TSGA10IP: variants seen among roughly 807,000 people sequenced by gnomAD.
The protein encoded by TSGA10IP is testis specific 10 interacting protein.
Under a neutral mutation model 63.2 loss-of-function variants are expected in TSGA10IP, and 64 were observed. The observed-to-expected ratio is 1.01, with a 90% CI of 0.83 to 1.25. The LOEUF (loss-of-function observed/expected upper bound fraction) is 1.25. Among genes scored for constraint, TSGA10IP ranks in the 50% most tolerant of loss-of-function variants. TSGA10IP has a pLI of 0.00. For missense variants in TSGA10IP, 681 were observed against 710.1 expected (o/e 0.96, Z 0.47); for synonymous variants, 316 against 298.3 (o/e 1.06, Z -0.61).
At chr11:65,947,627 A>T (rs1854863328) in exon 3 of TSGA10IP, 16 of 1,613,426 alleles carry the variant, frequency 9.9e-6, no homozygotes, top group African/African-American at 1.3e-5. Context: ...CTGCAGAAGG[A>T]GGGCTGGTTG....
rs114066879 is a variant in TSGA10IP at position 65,947,233 on chromosome 11, C to A, written c.408C>A (p.Pro136=). 2,144 of 1,609,864 alleles carry A rather than the reference C, an allele frequency of 1.3e-3. 21 individuals are homozygous for A. In the African/African-American group the frequency reaches 0.022, roughly 17 times the overall value. Residue 136 remains proline, a synonymous_variant, in exon 3 of 8, where the codon CCC becomes CCA. Transcript: ENST00000532620. ...CAACCCCTGGCCACCAAGCCCTGCCCATGCCCTCCTCGTTCTCCCAGCGTC... is the reference window on the plus strand; with the variant it reads ...CAACCCCTGGCCACCAAGCCCTGCCAATGCCCTCCTCGTTCTCCCAGCGTC...
intron 4 of TSGA10IP, 37 bp from the exon 5 acceptor site, chr11:65,953,530 C>G (rs371135239): frequency 6.6e-7 from 1 of 1,515,022 alleles, no homozygotes; most frequent in East Asian, 2.5e-5. Flanking sequence ...TCCTGCTGCC[C>G]GTGAACCTCT....
chr11:65,959,869 A>T, exon 8 of TSGA10IP: 2 of 1,605,404 alleles, frequency 1.2e-6, no homozygotes. Context: ...GAGGCCCCCA[A>T]GGACAGAACC....
chr11:65,948,991 G>A (rs1001989403), intron 4 of TSGA10IP, among the ~76,000 whole-genome samples: 2 of 149,770 alleles, frequency 1.3e-5, no homozygotes, highest in African/African-American at 4.9e-5. Flanking sequence ...ACAAACAAAC[G>A]AACAAAAAAC....
chr11:65,959,682 T>C, intron 7 of TSGA10IP, 135 bp from the exon 8 acceptor site: 1 of 1,291,366 alleles, frequency 7.7e-7, no homozygotes, highest in Non-Finnish European at 1.0e-6. Flanking sequence ...AAAGTGAGAC[T>C]CGAGAAGAGT....
At position 65,953,832 on chromosome 11, in the gene TSGA10IP, C is replaced by G. The variant is rs966764727; in HGVS notation, c.1322+95C>G. The stretch of plus-strand genomic sequence containing the variant: ...AGGACCGAGGAGCACCAGCCCTCGC[C>G]TTCCCTGGGGCTAACCAGGCCACTT... On this transcript the variant is annotated intron_variant, in intron 5 of 7. Coordinates refer to ENST00000532620, the Ensembl canonical transcript of TSGA10IP. The G allele has an allele frequency of 3.7e-6, 4 of 1,086,052 alleles. No individual in the cohort carries two copies. The Admixed American group carries it at 1.5e-4, about 40-fold the overall frequency. 67.3% of individuals were successfully genotyped at this position (1,086,052 alleles called of 1,614,324 possible).
chr11:65,953,716 A>G (rs1854982823), exon 5 of TSGA10IP: 2 of 1,551,150 alleles, frequency 1.3e-6, no homozygotes, highest in East Asian at 4.8e-5. Context: ...GGGGCGGCCC[A>G]GCGCAAGCTG....
chr11:65,957,454 G>C (rs1855043952), intron 5 of TSGA10IP, among the ~76,000 whole-genome samples: 1 of 152,222 alleles, frequency 6.6e-6, no homozygotes, highest in Admixed American at 6.5e-5. Flanking sequence ...AGCAGGAAAA[G>C]TGCACACAAT....
chr11:65,948,228 T>C, intron 4 of TSGA10IP, 80 bp downstream of exon 4: 1 of 1,463,062 alleles, frequency 6.8e-7, no homozygotes, highest in Non-Finnish European at 9.1e-7. Flanking sequence ...GCTTAGGCAT[T>C]TGAACTCTCA....
Position 65,947,185 on chromosome 11 carries a change from G to C in TSGA10IP, c.360G>C (p.Arg120=), listed in dbSNP as rs753809731. The C allele has an allele frequency of 3.1e-6, 5 of 1,608,896 alleles. No individual in the cohort carries two copies. The East Asian group carries it at 9.0e-5, about 29-fold the overall frequency. ...GGGAGAGCATCGCCACAGATGTCCG[G>C]GCTGTGCTTCAGCCAAGCTCCCCAA... The change falls in exon 3 of 8, where the codon CGG becomes CGC. Residue 120 remains arginine (R), a synonymous_variant. Coordinates refer to ENST00000532620, the Ensembl canonical transcript of TSGA10IP.
At chr11:65,959,678 A>G in intron 7 of TSGA10IP, 139 bp from the exon 8 acceptor site, 3 of 1,247,066 alleles carry the variant, frequency 2.4e-6, no homozygotes, top group East Asian at 2.6e-5. Context: ...AAGGAAAGTG[A>G]GACTCGAGAA....
At chr11:65,946,418 CGGT>C (rs1565304868) in intron 1 of TSGA10IP, among the ~76,000 whole-genome samples, 1 of 151,450 alleles carries the variant, frequency 6.6e-6, no homozygotes, top group Non-Finnish European at 1.5e-5. Flanking sequence ...AGGTGGTGCT[CGGT>C]CGGGTTTTTT....
chr11:65,959,386 C>T (rs1855079511), intron 7 of TSGA10IP, 72 bp downstream of exon 7: 26 of 1,564,872 alleles, frequency 1.7e-5, no homozygotes, highest in South Asian at 2.4e-5. Flanking sequence ...CACCAGCACT[C>T]TGGGCTCTGG....
rs763480438 is a variant in TSGA10IP, at chr11:65,958,869, T to G, written c.1323-14T>G. 7 of 1,608,176 alleles carry G rather than the reference T, an allele frequency of 4.4e-6. No individual in the cohort carries two copies. Among genetic ancestry groups the G allele is most frequent in the Non-Finnish European group, 5.9e-6 (7 of 1,177,280 alleles). ...GTCCATGGTTAGCTGCACAAAGGCC[T>G]GTCTCCCCTGCAGGCGCCAGGAGCG... On this transcript the variant is annotated splice_polypyrimidine_tract_variant and intron_variant, in intron 5 of 7. Coordinates refer to ENST00000532620, the Ensembl canonical transcript of TSGA10IP.
chr11:65,946,939 C>A (rs991509595), exon 2 of TSGA10IP: 2 of 1,613,842 alleles, frequency 1.2e-6, no homozygotes, highest in Middle Eastern at 1.6e-4. Flanking sequence ...GGTCTCAGAG[C>A]TCAAGGCAGA....
intron 5 of TSGA10IP, among the ~76,000 whole-genome samples, chr11:65,957,395 C>T (rs751121553): frequency 1.3e-5 from 2 of 152,244 alleles, no homozygotes; most frequent in East Asian, 1.9e-4. Flanking sequence ...GAGATCTGCC[C>T]GCCTCGGCCA....
intron 5 of TSGA10IP, among the ~76,000 whole-genome samples, chr11:65,955,230 GT>G (rs796144132): frequency 3.4e-5 from 5 of 148,936 alleles, no homozygotes; most frequent in African/African-American, 7.4e-5. Flanking sequence ...AGGGGCTTTT[GT>G]TTTTTTTTTC....
intron 4 of TSGA10IP, among the ~76,000 whole-genome samples, chr11:65,950,944 G>A (rs796208433): frequency 2.2e-4 from 34 of 152,306 alleles, no homozygotes; most frequent in African/African-American, 7.7e-4. Context: ...ACATAAGGGA[G>A]ATTATATGGT....
intron 7 of TSGA10IP, 139 bp downstream of exon 7, chr11:65,959,453 T>C (rs1396883796): frequency 7.5e-7 from 1 of 1,335,230 alleles, no homozygotes; most frequent in Non-Finnish European, 1.0e-6. Flanking sequence ...AGGGTTGTCA[T>C]TCCTACTTCT....
Sources: gnomAD v4.1 joint callset for allele counts (sites outside exome capture counted in the v4.1 genomes callset) on GRCh38, gnomAD v4.1.1 for gene constraint, MANE v1.5 for transcripts, NCBI Gene and HGNC (gene_info 2026-07-23, HGNC 2026-07-21) for gene names.